The following ELL variants were observed in gnomAD, a reference collection of about 807,000 sequenced individuals.
ELL encodes the protein elongation factor for RNA polymerase II, also known as RNA polymerase II elongation factor ELL.
In ELL, 18 loss-of-function variants were observed where a neutral mutation model predicts 64.0. The ratio of observed to expected loss-of-function variants is 0.28; its 90% CI spans 0.19 to 0.42. The LOEUF is 0.42. Among genes scored for constraint, ELL ranks in the 10% least tolerant of loss-of-function variants. The pLI, the probability that ELL is intolerant of heterozygous loss-of-function variation, is 1.00. For synonymous variants in ELL, 399 were observed against 376.2 expected, an observed-to-expected ratio of 1.06 and a Z score of -0.70; for missense variants, 797 against 870.4, an observed-to-expected ratio of 0.92 and a Z score of 1.06.
intron 4 of ELL, among the ~76,000 whole-genome samples, chr19:18,464,835 C>T (rs982726475): frequency 1.3e-5 from 2 of 152,180 alleles, no homozygotes; most frequent in Non-Finnish European, 2.9e-5. Flanking sequence ...CTGTCAAGGC[C>T]TGTTGGCTTC....
chr19:18,485,713 C>T (rs182047345), intron 1 of ELL, among the ~76,000 whole-genome samples: 1 of 152,002 alleles, frequency 6.6e-6, no homozygotes, highest in Non-Finnish European at 1.5e-5. Context: ...ATGGGCCGGG[C>T]GCGGTGGCTC....
chr19:18,473,665 C>T (rs190000477), intron 1 of ELL, among the ~76,000 whole-genome samples: 2 of 152,340 alleles, frequency 1.3e-5, no homozygotes. Flanking sequence ...TGAGAAAGAA[C>T]TGCGAGCCAG....
intron 2 of ELL, 116 bp downstream of exon 2, chr19:18,472,719 G>T: frequency 2.3e-6 from 3 of 1,286,064 alleles, no homozygotes; most frequent in Non-Finnish European, 3.3e-6. Flanking sequence ...CTTGCATGGT[G>T]GCAGACAGGG....
At position 18,503,780 on chromosome 19, in the gene ELL, C is replaced by T. The variant is rs139713258; in HGVS notation, c.135+18141G>A. On this transcript the variant is annotated intron_variant, in intron 1 of 11. Transcript: ENST00000262809. ...AACACCACCCTTCCTTGGGTCCTGC[C>T]GAGCTTCCCTCCTCAGGGAGCCTTC... Among the ~76,000 whole-genome samples the T allele has an allele frequency of 2.7e-3, 412 of 152,276 alleles. 4 individuals carry two copies. Among genetic ancestry groups the T allele is most frequent in the African/African-American group, 9.5e-3 (395 of 41,548 alleles).
At chr19:18,484,642 G>A (rs1975374014) in intron 1 of ELL, among the ~76,000 whole-genome samples, 1 of 152,028 alleles carries the variant, frequency 6.6e-6, no homozygotes, top group African/African-American at 2.4e-5. Flanking sequence ...ACTGTCTTTA[G>A]AACAAAACAA....
At chr19:18,484,572 C>T (rs1025393528) in intron 1 of ELL, among the ~76,000 whole-genome samples, 32 of 152,212 alleles carry the variant, frequency 2.1e-4, no homozygotes, top group Admixed American at 1.6e-3. Flanking sequence ...CACAGGCGAT[C>T]GAGGCTGCAG....
intron 1 of ELL, among the ~76,000 whole-genome samples, chr19:18,496,016 G>A (rs1181880084): frequency 2.0e-5 from 3 of 152,186 alleles, no homozygotes; most frequent in East Asian, 3.9e-4. Flanking sequence ...TGATGTGGGA[G>A]GTTTATATGG....
chr19:18,454,453 C>G (rs774962612), intron 6 of ELL, among the ~76,000 whole-genome samples: 1 of 151,744 alleles, frequency 6.6e-6, no homozygotes. Context: ...GAGCCGAGAT[C>G]GCGCCACTGC....
intron 1 of ELL, among the ~76,000 whole-genome samples, chr19:18,502,533 G>A (rs1975802230): frequency 6.6e-6 from 1 of 152,188 alleles, no homozygotes; most frequent in South Asian, 2.1e-4. Context: ...AGGAGCAGAC[G>A]TTTATAACTA....
intron 10 of ELL, 158 bp from the exon 11 acceptor site, chr19:18,445,426 GCT>G: frequency 1.3e-6 from 1 of 750,754 alleles, no homozygotes; most frequent in Non-Finnish European, 2.3e-6. Context: ...AGCGGCTGTA[GCT>G]CCGGAGTGGG....
At chr19:18,462,366 T>TGTGTGTGG (rs1392630400) in intron 4 of ELL, among the ~76,000 whole-genome samples, 1 of 31,222 alleles carries the variant, frequency 3.2e-5, no homozygotes, top group Non-Finnish European at 4.9e-5. Context: ...TGTGTGTGTT[T>TGTGTGTGG]GGGCGGGGGG....
At chr19:18,451,717 CATGGGGGCCCGGTGGAGATGCCTCAAGG>C (rs1974542789) in intron 6 of ELL, 69 bp from the exon 7 acceptor site, 1 of 1,255,830 alleles carries the variant, frequency 8.0e-7, no homozygotes, top group Non-Finnish European at 1.1e-6. Context: ...CCTGTATCCA[CATGGGGGCCCGGTGGAGATGCCTCAAGG>C]AAGGGACCCC....
chr19:18,456,683 C>T (rs963705899), intron 6 of ELL, among the ~76,000 whole-genome samples: 1 of 152,042 alleles, frequency 6.6e-6, no homozygotes, highest in African/African-American at 2.4e-5. Context: ...GATTTGGATA[C>T]CAGGGACAGA....
chr19:18,446,453 C>T lies in ELL; in HGVS notation c.1560G>A (p.Glu520=), dbSNP rs761931806. 1 of 1,612,818 alleles carries T rather than the reference C, an allele frequency of 6.2e-7. No individual in the cohort carries two copies. Among genetic ancestry groups the T allele is most frequent in the East Asian group, 2.2e-5 (1 of 44,868 alleles). Residue 520 remains glutamate, a synonymous_variant, in exon 10 of 12, where the codon GAG becomes GAA. Coordinates refer to ENST00000262809, the MANE Select transcript of ELL (RefSeq NM_006532.4). The part of the protein sequence containing the change: ...LLKYAAISSS[E]QRQSYKNDFN... Reference sequence around the variant, plus strand: ...AGTCGTTCTTGTAGCTCTGGCGCTGCTCCGAAGAGGAGATGGCTGCGTACT... The same window carrying T: ...AGTCGTTCTTGTAGCTCTGGCGCTGTTCCGAAGAGGAGATGGCTGCGTACT...
chr19:18,465,822 C>T lies in ELL; in HGVS notation c.280G>A (p.Asp94Asn). ...CTGGAGACATACTGCTGGATGCAGT[C>T]GAAGCTGCCCTGGGGGTTGTCGCGG... ...IGRDNPQGSF[D>N]CIQQYVSSHG... Residue 94 changes from aspartate (D) to asparagine (N), a missense_variant, in exon 3 of 12, where the codon GAC (aspartate) becomes AAC (asparagine). Coordinates refer to ENST00000262809, the MANE Select transcript of ELL (RefSeq NM_006532.4). 1.5e-6 allele frequency: 2 copies of T among 1,364,646 alleles called. No individual in the cohort carries two copies. Among genetic ancestry groups the T allele is most frequent in the Non-Finnish European group, 1.9e-6 (2 of 1,049,582 alleles). 84.5% of individuals were successfully genotyped at this position (1,364,646 alleles called of 1,614,324 possible).
chr19:18,478,081 C>T (rs1057430267), intron 1 of ELL, among the ~76,000 whole-genome samples: 2 of 152,160 alleles, frequency 1.3e-5, no homozygotes, highest in East Asian at 1.9e-4. Context: ...GGTCCCTTCA[C>T]GGTGGGACCA....
intron 1 of ELL, among the ~76,000 whole-genome samples, chr19:18,508,180 G>A (rs546720522): frequency 1.3e-5 from 2 of 152,268 alleles, no homozygotes; most frequent in South Asian, 4.1e-4. Context: ...TGAGTGTGGT[G>A]GCTCACGCCT....
intron 1 of ELL, among the ~76,000 whole-genome samples, chr19:18,519,933 C>T (rs1976224377): frequency 6.6e-6 from 1 of 152,076 alleles, no homozygotes; most frequent in African/African-American, 2.4e-5. Context: ...AGCCAAGTTG[C>T]TCTGGATGGC....
At chr19:18,488,323 C>T (rs1167501630) in intron 1 of ELL, among the ~76,000 whole-genome samples, 3 of 152,238 alleles carry the variant, frequency 2.0e-5, no homozygotes, top group Non-Finnish European at 2.9e-5. Flanking sequence ...TCCCCACCAG[C>T]AGCATAGAAC....
Sources: allele counts gnomAD v4.1 joint callset (sites outside exome capture counted in the v4.1 genomes callset), GRCh38; gene constraint gnomAD v4.1.1; transcripts MANE v1.5; gene names NCBI Gene and HGNC (gene_info 2026-07-23, HGNC 2026-07-21).